The following ARHGAP26 variants were observed in gnomAD, a reference collection of about 807,000 sequenced individuals.
ARHGAP26 encodes the protein Rho GTPase activating protein 26.
Under a neutral mutation model 104.8 loss-of-function variants are expected in ARHGAP26, and 38 were observed. The ratio of observed to expected loss-of-function variants is 0.36; its 90% CI spans 0.28 to 0.48. The LOEUF (loss-of-function observed/expected upper bound fraction) is 0.48, where lower values mean the gene tolerates loss of function less well. Among genes scored for constraint, ARHGAP26 ranks in the 20% least tolerant of loss-of-function variants. The pLI is 0.99. For synonymous variants in ARHGAP26, 341 were observed against 340.0 expected, an observed-to-expected ratio of 1.00 and a Z score of -0.03; for missense variants, 704 against 947.9, an observed-to-expected ratio of 0.74 and a Z score of 3.38.
intron 1 of ARHGAP26, among the ~76,000 whole-genome samples, chr5:142,851,453 A>T (rs549788557): frequency 6.6e-6 from 1 of 152,358 alleles, no homozygotes; most frequent in South Asian, 2.1e-4. Context: ...TTGTTAGCAA[A>T]CATTATTCTA....
At chr5:143,011,673 G>C (rs371554584) in intron 11 of ARHGAP26, among the ~76,000 whole-genome samples, 1 of 152,120 alleles carries the variant, frequency 6.6e-6, no homozygotes, top group Non-Finnish European at 1.5e-5. Flanking sequence ...CCCTTTGTTT[G>C]TGCAGGTGCT....
At chr5:143,025,713 G>T (rs2152845100) in intron 12 of ARHGAP26, among the ~76,000 whole-genome samples, 1 of 152,312 alleles carries the variant, frequency 6.6e-6, no homozygotes, top group African/African-American at 2.4e-5. Flanking sequence ...AACCCACAAA[G>T]AAACACTCCT....
chr5:142,829,016 G>GC (rs1377878648), intron 1 of ARHGAP26, among the ~76,000 whole-genome samples: 1 of 152,222 alleles, frequency 6.6e-6, no homozygotes, highest in Non-Finnish European at 1.5e-5. Flanking sequence ...TTGGAAGTTA[G>GC]CCACTGTGTT....
At chr5:142,895,099 T>C (rs189966064) in intron 6 of ARHGAP26, among the ~76,000 whole-genome samples, 189 of 152,360 alleles carry the variant, frequency 1.2e-3, no homozygotes, top group African/African-American at 4.3e-3. Context: ...AAATAGTATA[T>C]GGACCTCAAT....
chr5:143,150,241 G>A (rs78475688), intron 20 of ARHGAP26, among the ~76,000 whole-genome samples: 1 of 152,346 alleles, frequency 6.6e-6, no homozygotes, highest in African/African-American at 2.4e-5. Context: ...AACTGTGGCT[G>A]AACCTATTTT....
At chr5:143,219,131 C>A (rs1168367447) in intron 22 of ARHGAP26, among the ~76,000 whole-genome samples, 1 of 152,220 alleles carries the variant, frequency 6.6e-6, no homozygotes, top group Non-Finnish European at 1.5e-5. Context: ...AGGCCTGATA[C>A]AGTGGGAAGG....
chr5:142,873,333 G>T, intron 1 of ARHGAP26, 67 bp from the exon 2 acceptor site: 2 of 1,200,192 alleles, frequency 1.7e-6, no homozygotes, highest in Admixed American at 2.1e-5. Context: ...GGACCAATAA[G>T]GGCAGCAAAT....
chr5:143,226,364 C>G lies in ARHGAP26; in HGVS notation c.*3918C>G, dbSNP rs2151443166. 1 of 175,470 alleles carries G rather than the reference C, an allele frequency of 5.7e-6. No individual in the cohort carries two copies. The highest frequency in any genetic ancestry group is 2.4e-5 in the African/African-American group (1 of 42,184). The allele number at this position is 175,470 out of a possible 1,614,324, so 10.9% of individuals were successfully genotyped here. ...GGTGTGGTGGCGGGCGCCTGTAGTC[C>G]CAGCTACTCTGGAGGCTGAGGCAGG... On this transcript the variant is annotated 3_prime_UTR_variant, in exon 23 of 23. Transcript: ENST00000645722.
At chr5:143,064,601 G>A (rs1265619884) in intron 17 of ARHGAP26, among the ~76,000 whole-genome samples, 1 of 151,986 alleles carries the variant, frequency 6.6e-6, no homozygotes, top group Non-Finnish European at 1.5e-5. Flanking sequence ...CTATTTAAAG[G>A]GACATTGCAC....
At chr5:142,920,666 T>C (rs926327515) in intron 10 of ARHGAP26, among the ~76,000 whole-genome samples, 1 of 152,114 alleles carries the variant, frequency 6.6e-6, no homozygotes, top group African/African-American at 2.4e-5. Context: ...TCTCTAGAGG[T>C]GGGCAGCAAG....
At chr5:142,870,225 G>C (rs1267987608) in intron 1 of ARHGAP26, among the ~76,000 whole-genome samples, 1 of 152,152 alleles carries the variant, frequency 6.6e-6, no homozygotes, top group Admixed American at 6.5e-5. Flanking sequence ...CCTCTTATTG[G>C]AATGTGTGTG....
Position 142,786,654 on chromosome 5 carries a change from ATTTTTTTT to A in ARHGAP26, c.154+15757_154+15764del, listed in dbSNP as rs70991779. Among the ~76,000 whole-genome samples, 10 of 104,488 alleles carry A rather than the reference ATTTTTTTT, an allele frequency of 9.6e-5. No individual in the cohort carries two copies. In the East Asian group the frequency reaches 1.5e-3, roughly 16 times the overall value. 68.5% of individuals were successfully genotyped at this position (104,488 alleles called of 152,430 possible). A position where few individuals can be genotyped will look rare whatever the true frequency, so the allele number is the denominator to read the frequency against. On this transcript the variant is annotated intron_variant, in intron 1 of 22. Coordinates refer to ENST00000645722, the MANE Select transcript of ARHGAP26 (RefSeq NM_001135608.3). ...TGAAACAGATTTCTGGAGTTCTAGA[ATTTTTTTT>A]TTTTTTTTTTTTTTTTTGAGATGGA...
At chr5:143,057,955 T>C (rs564899199) in intron 17 of ARHGAP26, 2 of 685,580 alleles carry the variant, frequency 2.9e-6, no homozygotes, top group Non-Finnish European at 5.5e-6. Flanking sequence ...GCTGGGGAAG[T>C]GCTCATGCAA....
At chr5:142,830,540 T>G (rs1378828464) in intron 1 of ARHGAP26, among the ~76,000 whole-genome samples, 1 of 152,204 alleles carries the variant, frequency 6.6e-6, no homozygotes, top group Non-Finnish European at 1.5e-5. Flanking sequence ...ACTTGACTTT[T>G]AAAATTAATG....
chr5:142,771,107 C>T (rs1432805373), intron 1 of ARHGAP26, 192 bp downstream of exon 1: 9 of 1,319,462 alleles, frequency 6.8e-6, no homozygotes, highest in Non-Finnish European at 8.8e-6. Context: ...AGAGAGAGAC[C>T]CGTCGCTCCG....
Position 143,134,097 on chromosome 5 carries a change from C to A in ARHGAP26, c.1829C>A (p.Thr610Lys). Residue 610 changes from threonine (T) to lysine (K), a missense_variant, in exon 19 of 23, where the codon ACA (threonine) becomes AAA (lysine). Around this residue, in one of 6 missense-constraint regions of ARHGAP26, gnomAD observed 217 missense variants for 242.6 expected, o/e 0.89. Transcript: ENST00000645722. ...PLTLFHTVQS[T>K]EKQEQRNSII... ...ACGCTCTTCCACACCGTTCAGTCAA[C>A]AGAGAAACGTGAGTCTTTGCTGCAT... 6.2e-7 allele frequency: 1 copy of A among 1,609,532 alleles called. No homozygotes were observed. The highest frequency in any genetic ancestry group is 8.5e-7 in the Non-Finnish European group (1 of 1,177,538).
At chr5:143,113,555 T>G (rs908825609) in intron 17 of ARHGAP26, among the ~76,000 whole-genome samples, 1 of 152,204 alleles carries the variant, frequency 6.6e-6, no homozygotes, top group Admixed American at 6.5e-5. Context: ...GGGCTCACTC[T>G]TTCATTATTA....
intron 20 of ARHGAP26, among the ~76,000 whole-genome samples, chr5:143,182,736 T>C (rs1804567896): frequency 6.6e-6 from 1 of 152,226 alleles, no homozygotes; most frequent in Non-Finnish European, 1.5e-5. Flanking sequence ...CCTTGCTCTA[T>C]GTGTGTGGTG....
intron 18 of ARHGAP26, among the ~76,000 whole-genome samples, chr5:143,122,211 C>T (rs534389616): frequency 6.6e-6 from 1 of 152,124 alleles, no homozygotes; most frequent in Non-Finnish European, 1.5e-5. Flanking sequence ...CCCACATAGT[C>T]TCTGTCCTTT....
Sources: allele counts gnomAD v4.1 joint callset (sites outside exome capture counted in the v4.1 genomes callset), GRCh38; gene constraint gnomAD v4.1.1; regional missense constraint gnomAD v4.1.1; transcripts MANE v1.5; gene names NCBI Gene and HGNC (gene_info 2026-07-23, HGNC 2026-07-21).